LIMS2: variants seen among roughly 807,000 people sequenced by gnomAD.
LIMS2 encodes the protein LIM zinc finger domain containing 2, also known as LIM and senescent cell antigen-like-containing domain protein 2.
A neutral mutation model predicts 45.3 loss-of-function variants in LIMS2; 30 were observed. The observed-to-expected ratio is 0.66, with a 90% CI of 0.50 to 0.90. LIMS2 has a LOEUF of 0.90. Ranked by LOEUF, LIMS2 falls within the 40% of genes least tolerant of loss-of-function variation. The probability of loss-of-function intolerance (pLI) is 0.00; values close to 1 mark genes in which losing one functional copy is unlikely to be tolerated. For synonymous variants in LIMS2, 173 were observed against 188.0 expected (o/e 0.92, Z 0.65); for missense variants, 485 against 468.7 (o/e 1.03, Z -0.32).
upstream of LIMS2, among the ~76,000 whole-genome samples, chr2:127,677,991 A>G (rs1685539111): frequency 6.6e-6 from 1 of 152,206 alleles, no homozygotes. This position sits in a 1 kb window ranked among gnomAD's most constrained non-coding sequence, Gnocchi z 5.0. Flanking sequence ...GTTAAAACTC[A>G]TGGAATATAT....
chr2:127,667,755 T>C lies in LIMS2; in HGVS notation c.11+7259A>G, dbSNP rs28579213. 0.055 allele frequency among the ~76,000 whole-genome samples: 8,331 copies of C among 152,284 alleles called. 344 individuals are homozygous for C. Among genetic ancestry groups the C allele is most frequent in the African/African-American group, 0.1 (4,298 of 41,548 alleles). On this transcript the variant is annotated intron_variant, in intron 1 of 9. Coordinates refer to ENST00000355119, the MANE Select transcript of LIMS2 (RefSeq NM_001161403.3). This position sits in a 1 kb window ranked among gnomAD's most constrained non-coding sequence, Gnocchi z 4.1. ...AACATCATACTTAGTGATGAGAAAA[T>C]GAATGCTTTCCTCCTAAGGTCAGGG...
chr2:127,641,090 T>G lies in LIMS2; in HGVS notation c.661-102A>C, dbSNP rs1348234313. 4 of 866,184 alleles carry G rather than the reference T, an allele frequency of 4.6e-6. No individual in the cohort carries two copies. In the African/African-American group the frequency reaches 5.0e-5, roughly 11 times the overall value. The allele number at this position is 866,184 out of a possible 1,614,324, so 53.7% of individuals were successfully genotyped here. On this transcript the variant is annotated intron_variant, in intron 6 of 9. Coordinates refer to ENST00000355119, the MANE Select transcript of LIMS2 (RefSeq NM_001161403.3). ...AACAGTGACCCCAGGAGCCAGTGAC[T>G]CCAGGGGACCACAGTGGCCCCAGGA...
chr2:127,675,100 C>A lies in LIMS2; in HGVS notation c.-76G>T. 8.3e-7 allele frequency: 1 copy of A among 1,208,434 alleles called. No individual in the cohort carries two copies. Among genetic ancestry groups the A allele is most frequent in the Non-Finnish European group, 1.0e-6 (1 of 967,170 alleles). The allele number at this position is 1,208,434 out of a possible 1,614,324, so 74.9% of individuals were successfully genotyped here. On this transcript the variant is annotated 5_prime_UTR_variant, in exon 1 of 10. Coordinates refer to ENST00000355119, the MANE Select transcript of LIMS2 (RefSeq NM_001161403.3). ...TCTGCTGCTGCAGCCGCCAGCCGAG[C>A]GCCCGCCCGCCAGCCCGGGCCGCGG...
intron 4 of LIMS2, chr2:127,643,509 G>C (rs1049061515): frequency 8.8e-6 from 4 of 456,922 alleles, no homozygotes; most frequent in Non-Finnish European, 1.8e-5. Flanking sequence ...TTCCTTCGGG[G>C]TTTGCCAGAT....
At position 127,664,032 on chromosome 2, in the gene LIMS2, G is replaced by A. The variant is rs1393280679; in HGVS notation, c.12-6470C>T. Among the ~76,000 whole-genome samples, 1 of 152,140 alleles carries A rather than the reference G, an allele frequency of 6.6e-6. No individual in the cohort carries two copies. Among genetic ancestry groups the A allele is most frequent in the Non-Finnish European group, 1.5e-5 (1 of 68,030 alleles). On this transcript the variant is annotated intron_variant, in intron 1 of 9. Coordinates refer to ENST00000355119, the MANE Select transcript of LIMS2 (RefSeq NM_001161403.3). The surrounding 1 kb of genome is among the most constrained non-coding windows in gnomAD (Gnocchi z 5.5). ...TATAAAGTGCAGCATGATCACCCCC[G>A]TCTGAAAGCAGTGCTGGGGGCTACA...
chr2:127,663,367 A>C (rs1439002336), intron 1 of LIMS2, among the ~76,000 whole-genome samples: 1 of 152,216 alleles, frequency 6.6e-6, no homozygotes, highest in Non-Finnish European at 1.5e-5. Flanking sequence ...CCCAGCATGC[A>C]GCAGGGACTC....
In LIMS2 at chr2:127,675,153, G is replaced by A. The variant is rs1301273474; in HGVS notation, c.-129C>T. The A allele has an allele frequency of 4.4e-5, 33 of 755,724 alleles. No individual in the cohort carries two copies. The highest frequency in any genetic ancestry group is 3.6e-4 in the South Asian group (6 of 16,446). 46.8% of individuals were successfully genotyped at this position (755,724 alleles called of 1,614,324 possible). A position where few individuals can be genotyped will look rare whatever the true frequency, so the allele number is the denominator to read the frequency against. ...CAGGGAGACGCCCAAAAAAGGCCAA[G>A]AGCCGCTCCGCCCGCGAGAGGGGTG... On this transcript the variant is annotated 5_prime_UTR_variant, in exon 1 of 10. Transcript: ENST00000355119.
chr2:127,674,745 T>C (rs1172821425), intron 1 of LIMS2: 3 of 985,134 alleles, frequency 3.0e-6, no homozygotes, highest in East Asian at 1.1e-4. Flanking sequence ...TGGGCGTCGG[T>C]TGTGAGCAGA....
intron 1 of LIMS2, among the ~76,000 whole-genome samples, chr2:127,662,655 T>TGGGGGGG (rs1684749168): frequency 3.3e-5 from 1 of 30,740 alleles, no homozygotes; most frequent in African/African-American, 1.8e-4. Context: ...GGGTGGGGGG[T>TGGGGGGG]GGGGGGAGGG....
At chr2:127,640,238 G>A in intron 8 of LIMS2, 32 bp downstream of exon 8, 2 of 1,612,998 alleles carry the variant, frequency 1.2e-6, no homozygotes, top group Non-Finnish European at 1.7e-6. Context: ...CAGGAGAGCA[G>A]GTGGGGTGGG....
rs374378217 is a variant in LIMS2, at chr2:127,639,398, G to T, written c.909C>A (p.Pro303=). The T allele has an allele frequency of 6.2e-7, 1 of 1,613,698 alleles. No individual in the cohort carries two copies. The highest frequency in any genetic ancestry group is 1.3e-5 in the African/African-American group (1 of 74,888). ...KNKFVEFDMK[P]VCKRCYEKFP... Reference sequence around the variant, plus strand: ...ACTTCTCGTAGCACCTCTTACACACGGGCTTCATGTCGAACTCCACAAACT... The same window carrying T: ...ACTTCTCGTAGCACCTCTTACACACTGGCTTCATGTCGAACTCCACAAACT... Residue 303 remains proline, a synonymous_variant, in exon 10 of 10, where the codon CCC becomes CCA. Coordinates refer to ENST00000355119, the MANE Select transcript of LIMS2 (RefSeq NM_001161403.3).
rs967272088 is a variant in LIMS2, at chr2:127,642,525, TG to T, written c.510-327del. On this transcript the variant is annotated intron_variant, in intron 5 of 9. Transcript: ENST00000355119. This position sits in a 1 kb window ranked among gnomAD's most constrained non-coding sequence, Gnocchi z 5.3. ...GCACGGAGAGGACTGGAGGGGACGG[TG>T]GGGGTGGGCGAGGACGGGGGCTGAG... 2 of 296,678 alleles carry T rather than the reference TG, an allele frequency of 6.7e-6. No individual in the cohort carries two copies. The highest frequency in any genetic ancestry group is 1.2e-5 in the Non-Finnish European group (2 of 160,844). 18.4% of individuals were successfully genotyped at this position (296,678 alleles called of 1,614,324 possible).
chr2:127,658,435 C>A lies in LIMS2; in HGVS notation c.12-873G>T, dbSNP rs556890073. 2.7e-4 allele frequency among the ~76,000 whole-genome samples: 41 copies of A among 152,202 alleles called. No individual in the cohort carries two copies. The Middle Eastern group carries it at 0.01, about 38-fold the overall frequency. On this transcript the variant is annotated intron_variant, in intron 1 of 9. Coordinates refer to ENST00000355119, the MANE Select transcript of LIMS2 (RefSeq NM_001161403.3). ...AAGAGTATGAATCTTTGAGACGAGA[C>A]GGGAGTGTGGTGAGGGGGAGCAAAT...
chr2:127,654,999 T>C (rs1684159804), intron 2 of LIMS2, 103 bp from the exon 3 acceptor site: 2 of 1,070,602 alleles, frequency 1.9e-6, no homozygotes, highest in Non-Finnish European at 2.8e-6. Flanking sequence ...GATGAGGCAC[T>C]GAGGCAGGGG....
At chr2:127,661,589 G>T (rs1684664432) in intron 1 of LIMS2, among the ~76,000 whole-genome samples, 1 of 152,202 alleles carries the variant, frequency 6.6e-6, no homozygotes, top group Non-Finnish European at 1.5e-5. Context: ...CCCCCAGCTG[G>T]ACTACGTAGA....
rs1185429131 is a variant in LIMS2, at chr2:127,675,483, G to A, written c.-459C>T. Reference sequence around the variant, plus strand: ...CCAGGGACACGGAGCGCGGCCAGCGGCGGGCGCGGGTCAAGTCCTTCCCAA... The same window carrying A: ...CCAGGGACACGGAGCGCGGCCAGCGACGGGCGCGGGTCAAGTCCTTCCCAA... On this transcript the variant is annotated 5_prime_UTR_variant, in exon 1 of 10. Transcript: ENST00000355119. Among the ~76,000 whole-genome samples, 2 of 151,934 alleles carry A rather than the reference G, an allele frequency of 1.3e-5. No homozygotes were observed. Among genetic ancestry groups the A allele is most frequent in the East Asian group, 3.9e-4 (2 of 5,158 alleles).
chr2:127,639,207 G>T lies in LIMS2; in HGVS notation c.*74C>A. The T allele has an allele frequency of 6.6e-7, 1 of 1,524,298 alleles. No individual in the cohort carries two copies. Among genetic ancestry groups the T allele is most frequent in the African/African-American group, 1.4e-5 (1 of 73,040 alleles). 94.4% of individuals were successfully genotyped at this position (1,524,298 alleles called of 1,614,324 possible). On this transcript the variant is annotated 3_prime_UTR_variant, in exon 10 of 10. Transcript: ENST00000355119. ...GATGCGGAGGGCACAGGTGGATGGG[G>T]ACGAGGGGGCCAAGCATGGACAGCA... is the stretch of plus-strand genomic sequence containing the variant.
In LIMS2 at chr2:127,639,146, G is replaced by T. The variant is rs1252653928; in HGVS notation, c.*135C>A. The T allele has an allele frequency of 1.1e-6, 1 of 909,680 alleles. No individual in the cohort carries two copies. Among genetic ancestry groups the T allele is most frequent in the African/African-American group, 1.7e-5 (1 of 60,190 alleles). The allele number at this position is 909,680 out of a possible 1,614,324, so 56.4% of individuals were successfully genotyped here. A position where few individuals can be genotyped will look rare whatever the true frequency, so the allele number is the denominator to read the frequency against. ...GAAGGCAGAGATGAGGGAACAGGAA[G>T]GGAGAAGGCAATGAGGAAAGAGAAA... On this transcript the variant is annotated 3_prime_UTR_variant, in exon 10 of 10. Transcript: ENST00000355119.
At chr2:127,640,812 G>T (rs927664157) in intron 7 of LIMS2, 84 bp downstream of exon 7, 8 of 1,242,580 alleles carry the variant, frequency 6.4e-6, no homozygotes, top group Non-Finnish European at 8.2e-6. Flanking sequence ...TCCTGAGGGG[G>T]TGCCCACAGC....
Sources: gnomAD v4.1 joint callset for allele counts (sites outside exome capture counted in the v4.1 genomes callset) on GRCh38, gnomAD v4.1.1 for gene constraint, Gnocchi (gnomAD v3.1) non-coding constraint, MANE v1.5 for transcripts, NCBI Gene and HGNC (gene_info 2026-07-23, HGNC 2026-07-21) for gene names.